The following SDK2 variants were observed in gnomAD, a reference collection of about 807,000 sequenced individuals.
SDK2 encodes the protein sidekick cell adhesion molecule 2, also known as protein sidekick-2.
SDK2 carries 105 observed loss-of-function variants against 253.9 expected under a neutral mutation model. The ratio of observed to expected loss-of-function variants is 0.41; its 90% CI spans 0.35 to 0.49. The LOEUF (loss-of-function observed/expected upper bound fraction) is 0.49. Among genes scored for constraint, SDK2 ranks in the 20% least tolerant of loss-of-function variants. The pLI is 0.06. For missense variants in SDK2, 2,608 were observed against 3,003.0 expected (o/e 0.87, Z 3.07); for synonymous variants, 1,249 against 1,234.9 (o/e 1.01, Z -0.24).
At chr17:73,540,869 A>G (rs2044857708) in intron 1 of SDK2, among the ~76,000 whole-genome samples, 1 of 152,196 alleles carries the variant, frequency 6.6e-6, no homozygotes, top group African/African-American at 2.4e-5. Flanking sequence ...AGCACTTGAC[A>G]GGAGATAAGT....
Position 73,350,647 on chromosome 17 carries a change from C to T in SDK2, c.5899+3G>A. On this transcript the variant is annotated splice_donor_region_variant and intron_variant, in intron 42 of 44. Transcript: ENST00000392650. ...CCAGCATGGCTGGTGCCAGCTCACT[C>T]ACCCGAGTCTGTCTTCTTGGCGTAC... 4 of 1,608,264 alleles carry T rather than the reference C, an allele frequency of 2.5e-6. No homozygotes were observed. Among genetic ancestry groups the T allele is most frequent in the Admixed American group, 1.7e-5 (1 of 58,380 alleles).
intron 44 of SDK2, among the ~76,000 whole-genome samples, 164 bp from the exon 45 acceptor site, chr17:73,339,104 C>T (rs1408554258): frequency 6.6e-6 from 1 of 152,204 alleles, no homozygotes; most frequent in Non-Finnish European, 1.5e-5. Context: ...GGGTCTGGTG[C>T]CCGTTTGTGC....
intron 1 of SDK2, among the ~76,000 whole-genome samples, chr17:73,633,573 TTCTC>T (rs2046295047): frequency 1.3e-5 from 2 of 152,344 alleles, no homozygotes; most frequent in East Asian, 1.9e-4. Context: ...ACTTGTTATA[TTCTC>T]TCTCTGACTT....
chr17:73,453,807 CCAT>C (rs2063504826), intron 4 of SDK2, among the ~76,000 whole-genome samples: 1 of 152,134 alleles, frequency 6.6e-6, no homozygotes, highest in Admixed American at 6.5e-5. Flanking sequence ...TGCTCAAATT[CCAT>C]CCCATTTCAA....
intron 40 of SDK2, 199 bp downstream of exon 40, chr17:73,357,878 TGG>T: frequency 1.3e-6 from 1 of 793,610 alleles, no homozygotes; most frequent in Non-Finnish European, 2.2e-6. Context: ...GGGGGCCTCC[TGG>T]GGGTTACTTA....
chr17:73,544,424 C>T (rs1206003876), intron 1 of SDK2, among the ~76,000 whole-genome samples: 1 of 152,186 alleles, frequency 6.6e-6, no homozygotes, highest in East Asian at 1.9e-4. Flanking sequence ...ATCTTTGTGT[C>T]ACCGTCAAAG....
intron 22 of SDK2, 65 bp downstream of exon 22, chr17:73,399,103 T>G: frequency 2.6e-6 from 4 of 1,561,068 alleles, no homozygotes; most frequent in Non-Finnish European, 3.5e-6. Flanking sequence ...ACACATAAGA[T>G]TTTGCACTCA....
chr17:73,362,213 C>T (rs748880580), intron 38 of SDK2, among the ~76,000 whole-genome samples: 8 of 152,142 alleles, frequency 5.3e-5, no homozygotes, highest in Non-Finnish European at 7.3e-5. Context: ...GGCTCCATTG[C>T]TATTCCCTTA....
intron 1 of SDK2, among the ~76,000 whole-genome samples, chr17:73,621,662 A>G (rs1357325601): frequency 1.3e-5 from 2 of 151,972 alleles, no homozygotes; most frequent in Admixed American, 6.6e-5. Context: ...AAAATAAAAT[A>G]TATCAGATTT....
intron 38 of SDK2, among the ~76,000 whole-genome samples, chr17:73,364,107 C>T (rs371433018): frequency 6.6e-6 from 1 of 152,080 alleles, no homozygotes. Flanking sequence ...GCCACACCCC[C>T]AGCACCTGGC....
chr17:73,560,364 C>T (rs145459167), intron 1 of SDK2, among the ~76,000 whole-genome samples: 3,797 of 152,242 alleles, frequency 0.025, 87 homozygotes, highest in African/African-American at 0.062. Context: ...GTTTTTGAGA[C>T]GGAGCCTTGC....
At chr17:73,579,630 A>G (rs2045504653) in intron 1 of SDK2, among the ~76,000 whole-genome samples, 1 of 152,228 alleles carries the variant, frequency 6.6e-6, no homozygotes, top group Non-Finnish European at 1.5e-5. Context: ...TCACTGAGGT[A>G]AAATGAGGTC....
At position 73,380,936 on chromosome 17, in the gene SDK2, G is replaced by A. The variant is rs370912779; in HGVS notation, c.4720C>T (p.Arg1574Trp). Residue 1574 changes from arginine to tryptophan, a missense_variant, in exon 34 of 45, where the codon CGG becomes TGG. Physicochemically the swap from Arg to Trp is moderately radical, Grantham distance 101. Coordinates refer to ENST00000392650, the MANE Select transcript of SDK2 (RefSeq NM_001144952.2). ...GTGAGGCTGGGCCGGCTCAGGTTCC[G>A]CATGGAGTACATGGCTATGGGGTGG... ...WAELTSMYSM[R>W]NLSRPSLTQY... is the part of the protein sequence containing the mutation. The A allele has an allele frequency of 2.3e-5, 35 of 1,549,840 alleles. No individual in the cohort carries two copies. The highest frequency in any genetic ancestry group is 4.7e-5 in the South Asian group (4 of 84,482).
chr17:73,372,968 C>A (rs1237055095), intron 36 of SDK2, among the ~76,000 whole-genome samples: 1 of 152,150 alleles, frequency 6.6e-6, no homozygotes, highest in Non-Finnish European at 1.5e-5. Flanking sequence ...TACATTAGAT[C>A]TAGATCGTAT....
chr17:73,583,283 A>G (rs987255365), intron 1 of SDK2, among the ~76,000 whole-genome samples: 1 of 152,214 alleles, frequency 6.6e-6, no homozygotes, highest in Admixed American at 6.5e-5. Flanking sequence ...AGCATACAGC[A>G]GTTAATAAAT....
chr17:73,380,816 G>A (rs111890201), intron 34 of SDK2, 78 bp downstream of exon 34: 2 of 1,289,022 alleles, frequency 1.6e-6, no homozygotes, highest in South Asian at 1.3e-5. Flanking sequence ...CCTGTGATCA[G>A]GTCTCTCAAG....
chr17:73,415,987 C>T lies in SDK2; in HGVS notation c.2192G>A (p.Cys731Tyr), dbSNP rs2063178437. The T allele has an allele frequency of 1.9e-6, 3 of 1,609,638 alleles. No homozygotes were observed. Among genetic ancestry groups the T allele is most frequent in the African/African-American group, 1.3e-5 (1 of 74,896 alleles). The part of the protein sequence containing the change: ...GILKGYIIRY[C>Y]LAGLPVGYQF... ...GTACCCCACGGGCAGCCCGGCCAGG[C>T]AGTACCTGAGGGGAAGAGGCGAGGC... Residue 731 changes from cysteine (C) to tyrosine (Y), a missense_variant, in exon 17 of 45, where the codon TGC (cysteine) becomes TAC (tyrosine). Around this residue, in one of 2 missense-constraint regions of SDK2, gnomAD observed 1,505 missense variants for 1,859.1 expected, o/e 0.81. Coordinates refer to ENST00000392650, the MANE Select transcript of SDK2 (RefSeq NM_001144952.2).
Position 73,380,965 on chromosome 17 carries a change from T to TG in SDK2, c.4706-16dup. ...GGAGTACATGGCTATGGGGTGGGGGTGCCGGGGCGGGGGCGCAGAGGGAGA... is the reference window on the plus strand; with the variant it reads ...GGAGTACATGGCTATGGGGTGGGGGTGGCCGGGGCGGGGGCGCAGAGGGAGA... On this transcript the variant is annotated splice_polypyrimidine_tract_variant and intron_variant, in intron 33 of 44. Coordinates refer to ENST00000392650, the MANE Select transcript of SDK2 (RefSeq NM_001144952.2). The TG allele has an allele frequency of 4.8e-6, 3 of 623,444 alleles. No homozygotes were observed. Among genetic ancestry groups the TG allele is most frequent in the Non-Finnish European group, 8.5e-6 (3 of 353,030 alleles). 38.6% of individuals were successfully genotyped at this position (623,444 alleles called of 1,614,324 possible).
chr17:73,507,548 G>A lies in SDK2; in HGVS notation c.114C>T (p.His38=), dbSNP rs1222075253. The A allele has an allele frequency of 4.5e-6, 7 of 1,551,564 alleles. No individual in the cohort carries two copies. The African/African-American group carries it at 8.2e-5, about 18-fold the overall frequency. Residue 38 remains histidine (H), a synonymous_variant, in exon 2 of 45, where the codon CAC becomes CAT. Transcript: ENST00000392650. ...FKTEPVRTQV[H]LEGNRLVLTC... ...TAAGCACCAGGCGGTTTCCTTCCAA[G>A]TGCACCTGTGTCCGCACAGGCTCTG...
Sources: gnomAD v4.1 joint callset for allele counts (sites outside exome capture counted in the v4.1 genomes callset) on GRCh38, gnomAD v4.1.1 for gene constraint, gnomAD v4.1.1 regional missense constraint, MANE v1.5 for transcripts, NCBI Gene and HGNC (gene_info 2026-07-23, HGNC 2026-07-21) for gene names.